ZFHX3: variants seen among roughly 807,000 people sequenced by gnomAD.
ZFHX3 encodes the protein zinc finger homeobox protein 3.
A neutral mutation model predicts 279.1 loss-of-function variants in ZFHX3; 42 were observed. The ratio of observed to expected loss-of-function variants is 0.15; its 90% confidence interval spans 0.12 to 0.19. The LOEUF (loss-of-function observed/expected upper bound fraction) is 0.19, where lower values mean the gene tolerates loss of function less well. ZFHX3 is among the 10% of genes least tolerant of loss of function. The pLI is 1.00. For missense variants in ZFHX3, 4,981 were observed against 4,754.0 expected, an observed-to-expected ratio of 1.05 and a Z score of -1.40; for synonymous variants, 2,293 against 1,957.8, an observed-to-expected ratio of 1.17 and a Z score of -4.52.
chr16:73,388,968 G>GT (rs954107236), intron 3 of ZFHX3: 6 of 152,210 alleles, frequency 3.9e-5, no homozygotes, highest in African/African-American at 1.4e-4. Flanking sequence ...CGTCTTAGAG[G>GT]TTTTGTTTCT....
intron 7 of ZFHX3, among the ~76,000 whole-genome samples, chr16:73,129,487 T>C (rs1167917034): frequency 6.6e-6 from 1 of 151,842 alleles, no homozygotes; most frequent in Non-Finnish European, 1.5e-5. Flanking sequence ...TTTTGAGGTG[T>C]AACAGCCTTC....
intron 2 of ZFHX3, among the ~76,000 whole-genome samples, chr16:73,657,626 G>A (rs987270576): frequency 6.6e-6 from 1 of 151,882 alleles, no homozygotes; most frequent in African/African-American, 2.4e-5. Context: ...CCCAGTCCTA[G>A]TCAAGCACCC....
intron 5 of ZFHX3, among the ~76,000 whole-genome samples, chr16:73,253,467 T>TG (rs913580131): frequency 1.3e-5 from 2 of 151,304 alleles, no homozygotes; most frequent in African/African-American, 4.9e-5. Context: ...TTTTTTTTTT[T>TG]TTGAGATGGA....
intron 2 of ZFHX3, among the ~76,000 whole-genome samples, chr16:73,485,438 A>AAAAAAG (rs2018957000): frequency 6.9e-6 from 1 of 144,836 alleles, no homozygotes. Context: ...AAAAAAAAAA[A>AAAAAAG]AAAAAAAAAC....
chr16:73,111,326 AAAAT>A (rs1966370762), intron 7 of ZFHX3, among the ~76,000 whole-genome samples: 2 of 152,220 alleles, frequency 1.3e-5, no homozygotes, highest in South Asian at 4.1e-4. Flanking sequence ...AGTGAAATTA[AAAAT>A]AAATAAACAC....
chr16:73,347,663 C>G (rs1302227497), intron 3 of ZFHX3, among the ~76,000 whole-genome samples: 1 of 152,256 alleles, frequency 6.6e-6, no homozygotes, highest in Non-Finnish European at 1.5e-5. Context: ...ACTACACTCT[C>G]TATTTGTCTG....
At chr16:73,272,250 T>C (rs994956259) in intron 4 of ZFHX3, among the ~76,000 whole-genome samples, 7 of 152,256 alleles carry the variant, frequency 4.6e-5, no homozygotes, top group African/African-American at 1.7e-4. Flanking sequence ...GTTGCAGATT[T>C]TTTTAAATGA....
chr16:73,580,311 C>G (rs1433936893), intron 2 of ZFHX3, among the ~76,000 whole-genome samples: 1 of 151,828 alleles, frequency 6.6e-6, no homozygotes, highest in Non-Finnish European at 1.5e-5. Context: ...AACCCCATCT[C>G]TACTAAAAAT....
chr16:73,537,774 T>C (rs2019933096), intron 2 of ZFHX3, among the ~76,000 whole-genome samples: 1 of 152,156 alleles, frequency 6.6e-6, no homozygotes, highest in Admixed American at 6.5e-5. Context: ...GTGCCACAAG[T>C]CAGAATGCTT....
chr16:73,355,551 CCA>C (rs2016325931), intron 3 of ZFHX3, among the ~76,000 whole-genome samples: 1 of 152,246 alleles, frequency 6.6e-6, no homozygotes, highest in South Asian at 2.1e-4. Context: ...TCTGCTTCAT[CCA>C]ATCCTCAACA....
intron 2 of ZFHX3, among the ~76,000 whole-genome samples, chr16:73,514,239 C>G (rs1567506500): frequency 2.6e-5 from 4 of 151,814 alleles, no homozygotes; most frequent in Admixed American, 1.3e-4. Context: ...CAGAGCAAGA[C>G]TCCGTCTCAA....
intron 2 of ZFHX3, among the ~76,000 whole-genome samples, chr16:73,653,615 A>G (rs1297689434): frequency 6.6e-6 from 1 of 152,196 alleles, no homozygotes; most frequent in Admixed American, 6.5e-5. Context: ...GAAAATTCGG[A>G]AAAGTTATGA....
chr16:73,025,167 G>A (rs917095197), intron 1 of ZFHX3, among the ~76,000 whole-genome samples: 2 of 152,148 alleles, frequency 1.3e-5, no homozygotes, highest in Admixed American at 1.3e-4. Context: ...GCAATTGGGA[G>A]GAGAAGAAAA....
intron 1 of ZFHX3, among the ~76,000 whole-genome samples, chr16:73,836,329 A>G (rs577157790): frequency 3.9e-5 from 6 of 152,330 alleles, no homozygotes; most frequent in Admixed American, 3.3e-4. Flanking sequence ...TAATGCCTAC[A>G]TCAGAAAAAA....
chr16:73,851,390 G>A (rs971915667), intron 1 of ZFHX3, among the ~76,000 whole-genome samples: 1 of 152,130 alleles, frequency 6.6e-6, no homozygotes, highest in Non-Finnish European at 1.5e-5. Context: ...TTGTTGAGAC[G>A]ATTGTCATAC....
intron 3 of ZFHX3, among the ~76,000 whole-genome samples, chr16:72,921,593 C>T (rs114054447): frequency 1.3e-3 from 204 of 152,328 alleles, no homozygotes; most frequent in African/African-American, 4.3e-3. Context: ...CTTAACAGTA[C>T]GGTGAGAAGC....
intron 1 of ZFHX3, among the ~76,000 whole-genome samples, chr16:72,987,037 A>G (rs934915270): frequency 3.3e-5 from 5 of 152,156 alleles, no homozygotes; most frequent in African/African-American, 1.2e-4. Context: ...CTGTAGCCCC[A>G]GTTACTCGGG....
chr16:73,290,805 G>C, intron 4 of ZFHX3, among the ~76,000 whole-genome samples: 1 of 152,198 alleles, frequency 6.6e-6, no homozygotes, highest in Admixed American at 6.5e-5. Flanking sequence ...TTCCCAGATA[G>C]CTTGGGGGCT....
rs904218776 is a variant in ZFHX3 at position 73,540,041 on chromosome 16, C to T, written c.-1546-83783G>A. 7.9e-5 allele frequency among the ~76,000 whole-genome samples: 12 copies of T among 152,184 alleles called. No individual in the cohort carries two copies. In the South Asian group the frequency reaches 8.3e-4, roughly 11 times the overall value. On this transcript the variant is annotated intron_variant, in intron 2 of 17. Transcript: ENST00000641206. ...GATCGCTGTTAATCAGCAGTACTTA[C>T]GCTGCCATAAGCTATATATTTTGGT...
Sources: allele counts gnomAD v4.1 joint callset (sites outside exome capture counted in the v4.1 genomes callset), GRCh38; gene constraint gnomAD v4.1.1; transcripts MANE v1.5; gene names NCBI Gene and HGNC (gene_info 2026-07-23, HGNC 2026-07-21).